The following LMO2 variants were observed in gnomAD, a reference collection of about 807,000 sequenced individuals.
LMO2 encodes LIM domain only 2, also known as rhombotin-2.
Under a neutral mutation model 23.2 loss-of-function variants are expected in LMO2, and 20 were observed. The observed-to-expected ratio is 0.86, with a 90% CI of 0.61 to 1.25. The LOEUF is 1.25. LMO2 is among the 50% of genes most tolerant of loss of function. The probability of loss-of-function intolerance (pLI) is 0.00; values close to 1 mark genes in which losing one functional copy is unlikely to be tolerated. For synonymous variants in LMO2, 123 were observed against 130.2 expected (o/e 0.94, Z 0.38); for missense variants, 270 against 315.3 (o/e 0.86, Z 1.09).
chr11:33,859,626 GA>G, intron 5 of LMO2, 51 bp from the exon 6 acceptor site: 1 of 1,558,832 alleles, frequency 6.4e-7, no homozygotes, highest in African/African-American at 1.4e-5. Context: ...GACAATCCTG[GA>G]AGACAGGGCT....
At chr11:33,868,246 T>G (rs1856857846) in intron 4 of LMO2, among the ~76,000 whole-genome samples, 2 of 152,116 alleles carry the variant, frequency 1.3e-5, no homozygotes, top group Admixed American at 1.3e-4. Context: ...AAGCCGAAAT[T>G]GAAGGGTGTA....
chr11:33,871,567 C>CG (rs1223874493), intron 2 of LMO2, among the ~76,000 whole-genome samples: 2 of 52,938 alleles, frequency 3.8e-5, no homozygotes, highest in Non-Finnish European at 6.5e-5. Flanking sequence ...GACCCTGTCT[C>CG]AAAAAAAAAA....
chr11:33,867,052 CT>C (rs1189163605), intron 4 of LMO2, among the ~76,000 whole-genome samples: 39 of 152,214 alleles, frequency 2.6e-4, no homozygotes, highest in African/African-American at 8.7e-4. Flanking sequence ...GATGTTGATG[CT>C]GCCAAAGGAC....
At position 33,864,760 on chromosome 11, in the gene LMO2, G is replaced by A. The variant is rs1190128760; in HGVS notation, c.306C>T (p.Cys102=). ...IPPSLLTCGG[C]QQNIGDRYFL... is the part of the protein sequence containing the mutation. ...AGTAGCGGTCCCCAATGTTCTGCTGGCAGCCGCCGCATGTCAGCAGGGATG... is the reference window on the plus strand; with the variant it reads ...AGTAGCGGTCCCCAATGTTCTGCTGACAGCCGCCGCATGTCAGCAGGGATG... The change falls in exon 5 of 6, where the codon TGC becomes TGT. Residue 102 remains cysteine (C), a synonymous_variant. Coordinates refer to ENST00000257818, the MANE Select transcript of LMO2 (RefSeq NM_005574.4). This position sits in a 1 kb window ranked among gnomAD's most constrained non-coding sequence, Gnocchi z 4.8. The A allele has an allele frequency of 6.2e-7, 1 of 1,613,800 alleles. No homozygotes were observed. Among genetic ancestry groups the A allele is most frequent in the Non-Finnish European group, 8.5e-7 (1 of 1,180,034 alleles).
intron 4 of LMO2, among the ~76,000 whole-genome samples, chr11:33,868,953 G>A (rs149564588): frequency 1.3e-5 from 2 of 152,354 alleles, no homozygotes; most frequent in Non-Finnish European, 1.5e-5. Flanking sequence ...AATGGACAAA[G>A]AGAAAGGACC....
At chr11:33,861,959 G>GA (rs1273203919) in intron 5 of LMO2, among the ~76,000 whole-genome samples, 3 of 152,136 alleles carry the variant, frequency 2.0e-5, no homozygotes, top group Non-Finnish European at 2.9e-5. Context: ...TCCAGCTCTG[G>GA]GATTCGGAGA....
At chr11:33,859,662 C>T in intron 5 of LMO2, 87 bp from the exon 6 acceptor site, 1 of 1,260,036 alleles carries the variant, frequency 7.9e-7, no homozygotes, top group Non-Finnish European at 1.1e-6. Flanking sequence ...AGAAAGGAGG[C>T]CGAACTTTCA....
intron 1 of LMO2, 148 bp from the exon 2 acceptor site, chr11:33,882,035 T>C (rs186328405): frequency 6.6e-6 from 1 of 152,352 alleles, no homozygotes; most frequent in Non-Finnish European, 1.5e-5. Context: ...GGCTTTCTGA[T>C]AGCAGGCGGG....
In LMO2 at chr11:33,859,546, G is replaced by T; in HGVS notation, c.494C>A (p.Ser165Tyr). ...ATAGGCACGAATCCGCTTGTCACAG[G>T]ATGCGCAGAGACCGTCTTGCCCAAA... ...RLFGQDGLCA[S>Y]CDKRIRAYEM... Residue 165 changes from serine to tyrosine, a missense_variant, in exon 6 of 6, where the codon TCC (serine) becomes TAC (tyrosine). This residue lies in a region of LMO2 where 100 missense variants were observed against 153.3 expected (regional missense o/e 0.65). Coordinates refer to ENST00000257818, the MANE Select transcript of LMO2 (RefSeq NM_005574.4). 6.2e-7 allele frequency: 1 copy of T among 1,614,018 alleles called. No homozygotes were observed. The highest frequency in any genetic ancestry group is 1.3e-5 in the African/African-American group (1 of 74,972).
rs563347458 is a variant in LMO2, at chr11:33,891,884, C to A, written c.-425G>T. Reference sequence around the variant, plus strand: ...TTCTGGGCTAATTGCCTGCTTTGCACCTGTTCCTTCTCGGGAGGCCCTGGC... The same window carrying A: ...TTCTGGGCTAATTGCCTGCTTTGCAACTGTTCCTTCTCGGGAGGCCCTGGC... On this transcript the variant is annotated 5_prime_UTR_variant, in exon 1 of 6. Coordinates refer to ENST00000257818, the MANE Select transcript of LMO2 (RefSeq NM_005574.4). 6.6e-6 allele frequency: 1 copy of A among 152,376 alleles called. No individual in the cohort carries two copies. Among genetic ancestry groups the A allele is most frequent in the South Asian group, 2.1e-4 (1 of 4,830 alleles). The allele number at this position is 152,376 out of a possible 1,614,324, so 9.4% of individuals were successfully genotyped here. A position where few individuals can be genotyped will look rare whatever the true frequency, so the allele number is the denominator to read the frequency against.
chr11:33,888,573 C>A (rs1213379142), intron 1 of LMO2, among the ~76,000 whole-genome samples: 1 of 152,146 alleles, frequency 6.6e-6, no homozygotes, highest in East Asian at 1.9e-4. Flanking sequence ...ACATTCTTCC[C>A]CAGATGTGAG....
chr11:33,860,506 G>A (rs1590626076), intron 5 of LMO2, among the ~76,000 whole-genome samples: 1 of 152,190 alleles, frequency 6.6e-6, no homozygotes, highest in African/African-American at 2.4e-5. Flanking sequence ...GCTCACACCT[G>A]TAATCCCAAC....
At chr11:33,876,134 A>G (rs1857133001) in intron 2 of LMO2, among the ~76,000 whole-genome samples, 1 of 152,148 alleles carries the variant, frequency 6.6e-6, no homozygotes, top group Admixed American at 6.5e-5. Flanking sequence ...TACTTCATTC[A>G]GGTCTCTGTT....
chr11:33,862,957 T>TC (rs1856638815), intron 5 of LMO2, among the ~76,000 whole-genome samples: 2 of 151,906 alleles, frequency 1.3e-5, no homozygotes, highest in Non-Finnish European at 2.9e-5. Flanking sequence ...GTTTTTTTTT[T>TC]CCTCTCCTTT....
At position 33,864,655 on chromosome 11, in the gene LMO2, C is replaced by T. The variant is rs774956753; in HGVS notation, c.411G>A (p.Gly137=). The T allele has an allele frequency of 9.9e-6, 16 of 1,613,964 alleles. No individual in the cohort carries two copies. The highest frequency in any genetic ancestry group is 1.4e-5 in the Non-Finnish European group (16 of 1,180,038). Residue 137 remains glycine, a synonymous_variant, in exon 5 of 6, where the codon GGG becomes GGA. Coordinates refer to ENST00000257818, the MANE Select transcript of LMO2 (RefSeq NM_005574.4). The surrounding 1 kb of genome is among the most constrained non-coding windows in gnomAD (Gnocchi z 4.8). ...GGCCCAGTTTGTAGTAGAGGCGCCG[C>T]CCCACCTCACCCAGCCGGCAGCCAC... ...DLCGCRLGEV[G]RRLYYKLGRK...
chr11:33,867,318 T>C (rs964860294), intron 4 of LMO2, among the ~76,000 whole-genome samples: 2 of 152,200 alleles, frequency 1.3e-5, no homozygotes, highest in African/African-American at 4.8e-5. Context: ...AAGCATCTAG[T>C]AGGATACTGG....
chr11:33,869,815 C>T lies in LMO2; in HGVS notation c.-99G>A, dbSNP rs1416957753. 9.2e-7 allele frequency: 1 copy of T among 1,090,628 alleles called. No homozygotes were observed. The highest frequency in any genetic ancestry group is 1.1e-6 in the Non-Finnish European group (1 of 899,004). 67.6% of individuals were successfully genotyped at this position (1,090,628 alleles called of 1,614,324 possible). Reference sequence around the variant, plus strand: ...TGTGCGCCCGCCCGGCCGCCCGGAGCCCCTCGCACCTTCGGCCCGGGTCGC... The same window carrying T: ...TGTGCGCCCGCCCGGCCGCCCGGAGTCCCTCGCACCTTCGGCCCGGGTCGC... On this transcript the variant is annotated 5_prime_UTR_variant, in exon 3 of 6. Coordinates refer to ENST00000257818, the MANE Select transcript of LMO2 (RefSeq NM_005574.4).
intron 5 of LMO2, among the ~76,000 whole-genome samples, chr11:33,861,893 T>A (rs748668617): frequency 6.6e-6 from 1 of 152,158 alleles, no homozygotes; most frequent in Non-Finnish European, 1.5e-5. Flanking sequence ...TGTACAGGCT[T>A]CTGTGACTTA....
chr11:33,882,316 G>C (rs1445649646), intron 1 of LMO2, among the ~76,000 whole-genome samples: 1 of 152,216 alleles, frequency 6.6e-6, no homozygotes, highest in African/African-American at 2.4e-5. Flanking sequence ...GCAACTGTTT[G>C]TGTCTCACGC....
Sources: allele counts gnomAD v4.1 joint callset (sites outside exome capture counted in the v4.1 genomes callset), GRCh38; gene constraint gnomAD v4.1.1; regional missense constraint gnomAD v4.1.1; non-coding constraint Gnocchi (gnomAD v3.1); transcripts MANE v1.5; gene names NCBI Gene and HGNC (gene_info 2026-07-23, HGNC 2026-07-21).